Variants in TTC7A observed in about 807,000 individuals in gnomAD.
TTC7A encodes the protein tetratricopeptide repeat domain 7A.
Under a neutral mutation model 103.7 loss-of-function variants are expected in TTC7A, and 110 were observed. The observed-to-expected ratio is 1.06, with a 90% confidence interval of 0.91 to 1.24. The LOEUF (loss-of-function observed/expected upper bound fraction) is 1.24, where lower values mean the gene tolerates loss of function less well. Ranked by LOEUF, TTC7A falls within the 50% of genes most tolerant of loss-of-function variation. TTC7A has a pLI of 0.00. For missense variants in TTC7A, 1,340 were observed against 1,116.3 expected, an observed-to-expected ratio of 1.20 and a Z score of -2.86; for synonymous variants, 521 against 467.9, an observed-to-expected ratio of 1.11 and a Z score of -1.47.
chr2:46,976,814 A>T (rs565037226), intron 4 of TTC7A, among the ~76,000 whole-genome samples: 1 of 152,108 alleles, frequency 6.6e-6, no homozygotes, highest in East Asian at 1.9e-4. Context: ...GGGCAAAGTC[A>T]CCCCCCTGCT....
At chr2:46,945,062 C>G (rs1292608001) in intron 1 of TTC7A, among the ~76,000 whole-genome samples, 2 of 152,122 alleles carry the variant, frequency 1.3e-5, no homozygotes, top group East Asian at 3.8e-4. Context: ...CACCTGTGTA[C>G]CTATTAACCT....
At chr2:46,921,095 A>G (rs1669081147) in intron 2 of TTC7A, among the ~76,000 whole-genome samples, 1 of 152,180 alleles carries the variant, frequency 6.6e-6, no homozygotes, top group African/African-American at 2.4e-5. Flanking sequence ...TTTTCCCTTA[A>G]TATCAGGAAC....
chr2:46,986,609 C>A (rs1206309476), intron 5 of TTC7A, among the ~76,000 whole-genome samples: 1 of 152,154 alleles, frequency 6.6e-6, no homozygotes, highest in Admixed American at 6.5e-5. Context: ...AAGAGTAGAG[C>A]AGAGGTGCTG....
At chr2:46,926,771 A>G (rs1669405210) in intron 2 of TTC7A, among the ~76,000 whole-genome samples, 2 of 152,378 alleles carry the variant, frequency 1.3e-5, no homozygotes, top group South Asian at 2.1e-4. Context: ...GTGTGAACAC[A>G]AACTAGAAGA....
At chr2:46,960,462 G>A (rs1012529634) in intron 3 of TTC7A, among the ~76,000 whole-genome samples, 1 of 152,190 alleles carries the variant, frequency 6.6e-6, no homozygotes, top group Non-Finnish European at 1.5e-5. Flanking sequence ...AGCCTCTGAT[G>A]TATGTCTCTG....
At chr2:47,029,772 G>A (rs956686569) in intron 15 of TTC7A, among the ~76,000 whole-genome samples, 1 of 152,224 alleles carries the variant, frequency 6.6e-6, no homozygotes, top group African/African-American at 2.4e-5. Flanking sequence ...GCCAAGGATG[G>A]GATTCTAACA....
chr2:46,948,025 AAAC>A (rs1421148384), intron 1 of TTC7A, among the ~76,000 whole-genome samples: 1 of 152,220 alleles, frequency 6.6e-6, no homozygotes, highest in Non-Finnish European at 1.5e-5. Flanking sequence ...GTACCCAACC[AAAC>A]AGCTCAACCA....
intron 9 of TTC7A, among the ~76,000 whole-genome samples, chr2:47,006,321 T>A (rs557974927): frequency 5.9e-5 from 9 of 152,324 alleles, no homozygotes; most frequent in Admixed American, 5.2e-4. Context: ...AAATGTTCGC[T>A]GCTATTTTTA....
intron 19 of TTC7A, among the ~76,000 whole-genome samples, chr2:47,070,834 A>G (rs9973700): frequency 0.84 from 127,770 of 152,180 alleles, 53,734 homozygotes; most frequent in East Asian, 0.9. Context: ...ATGTCTGATC[A>G]CCATAAACAA....
intron 5 of TTC7A, among the ~76,000 whole-genome samples, chr2:46,988,616 C>T (rs1010810814): frequency 4.6e-5 from 7 of 152,238 alleles, no homozygotes; most frequent in African/African-American, 1.7e-4. Flanking sequence ...TTTTTTAACA[C>T]TTACTGTGTG....
chr2:47,015,647 G>T (rs1203683957), intron 11 of TTC7A, among the ~76,000 whole-genome samples: 1 of 152,214 alleles, frequency 6.6e-6, no homozygotes, highest in Non-Finnish European at 1.5e-5. Context: ...GACATGAAGA[G>T]TGCCCCTGCT....
chr2:46,917,929 A>G (rs1328707458), intron 2 of TTC7A, among the ~76,000 whole-genome samples: 1 of 152,204 alleles, frequency 6.6e-6, no homozygotes, highest in East Asian at 1.9e-4. Flanking sequence ...TTCTCAATCT[A>G]TAATTATCAA....
intron 19 of TTC7A, among the ~76,000 whole-genome samples, chr2:47,070,558 C>T (rs1390319550): frequency 6.6e-6 from 1 of 152,174 alleles, no homozygotes; most frequent in Non-Finnish European, 1.5e-5. Context: ...GGACAGGGAT[C>T]ACATCCATGA....
chr2:46,989,472 T>C (rs1675376511), intron 5 of TTC7A, among the ~76,000 whole-genome samples: 1 of 152,222 alleles, frequency 6.6e-6, no homozygotes, highest in South Asian at 2.1e-4. Context: ...CTCAGGCTCA[T>C]GGCCATCTGC....
chr2:46,952,291 G>A (rs1671485860), intron 2 of TTC7A, among the ~76,000 whole-genome samples: 1 of 152,028 alleles, frequency 6.6e-6, no homozygotes, highest in African/African-American at 2.4e-5. Flanking sequence ...AAAAGGGTTG[G>A]ACCAGATTGG....
chr2:46,950,322 T>C, intron 1 of TTC7A, 41 bp from the exon 2 acceptor site: 1 of 1,610,412 alleles, frequency 6.2e-7, no homozygotes, highest in Non-Finnish European at 8.5e-7. Flanking sequence ...TTATCCGCCT[T>C]GTTCGGGGTT....
At chr2:46,935,772 T>C (rs2103858128) in intron 2 of TTC7A, among the ~76,000 whole-genome samples, 1 of 152,266 alleles carries the variant, frequency 6.6e-6, no homozygotes, top group East Asian at 1.9e-4. Flanking sequence ...AAGTCTTGTA[T>C]TGGACCCAAG....
At chr2:46,923,850 A>G (rs1016789616) in intron 2 of TTC7A, among the ~76,000 whole-genome samples, 1 of 152,004 alleles carries the variant, frequency 6.6e-6, no homozygotes, top group Admixed American at 6.6e-5. Flanking sequence ...CTCTTGCCTC[A>G]GCCTCCAGAG....
At chr2:47,067,653 T>C (rs945035193) in intron 19 of TTC7A, among the ~76,000 whole-genome samples, 2 of 152,258 alleles carry the variant, frequency 1.3e-5, no homozygotes, top group Admixed American at 1.3e-4. Context: ...AGTCCCACTT[T>C]GCCTTCACTC....
Sources: allele counts gnomAD v4.1 joint callset (sites outside exome capture counted in the v4.1 genomes callset), GRCh38; gene constraint gnomAD v4.1.1; transcripts MANE v1.5; gene names NCBI Gene and HGNC (gene_info 2026-07-23, HGNC 2026-07-21).